The following ERCC6 variants were observed in gnomAD, a reference collection of about 807,000 sequenced individuals.
The protein encoded by ERCC6 is ERCC excision repair 6, chromatin remodeling factor.
A neutral mutation model predicts 158.7 loss-of-function variants in ERCC6; 116 were observed. The ratio of observed to expected loss-of-function variants is 0.73; its 90% confidence interval spans 0.63 to 0.85. The LOEUF (loss-of-function observed/expected upper bound fraction) is 0.85, where lower values mean the gene tolerates loss of function less well. ERCC6 is among the 40% of genes least tolerant of loss of function. The pLI, the probability that ERCC6 is intolerant of heterozygous loss-of-function variation, is 0.00. For synonymous variants in ERCC6, 678 were observed against 659.3 expected (o/e 1.03, Z -0.43); for missense variants, 1,698 against 1,799.4 (o/e 0.94, Z 1.02).
chr10:49,450,757 C>T (rs1200794429), downstream of ERCC6, among the ~76,000 whole-genome samples: 2 of 151,384 alleles, frequency 1.3e-5, no homozygotes, highest in South Asian at 2.1e-4. Context: ...CTTTTTGATG[C>T]TATTATGAAT....
intron 4 of ERCC6, 25 bp downstream of exon 4, chr10:49,528,392 G>A (rs751227370): frequency 1.9e-6 from 3 of 1,613,520 alleles, no homozygotes. Flanking sequence ...CAAGAACACA[G>A]AGAAACTGCT....
intron 4 of ERCC6, among the ~76,000 whole-genome samples, chr10:49,527,449 C>T (rs969239718): frequency 6.6e-6 from 1 of 152,166 alleles, no homozygotes; most frequent in East Asian, 1.9e-4. Flanking sequence ...CCAAGGTGAG[C>T]AGATCACCTG....
At chr10:49,499,543 T>A (rs1457611830) in intron 7 of ERCC6, among the ~76,000 whole-genome samples, 3 of 152,158 alleles carry the variant, frequency 2.0e-5, no homozygotes, top group African/African-American at 7.2e-5. Flanking sequence ...ATAGGGAGTG[T>A]CTGAGGTTTC....
At chr10:49,514,963 C>G (rs1836903389) in intron 5 of ERCC6, among the ~76,000 whole-genome samples, 2 of 152,136 alleles carry the variant, frequency 1.3e-5, no homozygotes, top group Admixed American at 1.3e-4. Flanking sequence ...GAGTGCAGAT[C>G]TCATGGAGTA....
At chr10:49,468,409 C>T (rs935296718) in intron 18 of ERCC6, among the ~76,000 whole-genome samples, 1 of 152,328 alleles carries the variant, frequency 6.6e-6, no homozygotes, top group African/African-American at 2.4e-5. Context: ...GGCAGGGCAA[C>T]TGGAGAGCTC....
chr10:49,463,449 T>C (rs1850618898), intron 18 of ERCC6, among the ~76,000 whole-genome samples: 1 of 152,024 alleles, frequency 6.6e-6, no homozygotes, highest in South Asian at 2.1e-4. Flanking sequence ...TAGCTCTCTG[T>C]TAATTAATAC....
intron 7 of ERCC6, among the ~76,000 whole-genome samples, chr10:49,496,437 G>C (rs1475557263): frequency 6.6e-6 from 1 of 152,172 alleles, no homozygotes; most frequent in Non-Finnish European, 1.5e-5. Flanking sequence ...TGCTAAAAGA[G>C]ATTATTTCAG....
chr10:49,472,367 T>G lies in ERCC6; in HGVS notation c.2924+9A>C. 1 of 1,612,862 alleles carries G rather than the reference T, an allele frequency of 6.2e-7. No individual in the cohort carries two copies. The highest frequency in any genetic ancestry group is 1.1e-5 in the South Asian group (1 of 91,050). ...CGCACAGCCAAGAGTGGCCACTGTG[T>G]GCACTGACCGGTGGTAGATCTTTTC... On this transcript the variant is annotated intron_variant, in intron 16 of 20. Transcript: ENST00000355832.
intron 5 of ERCC6, among the ~76,000 whole-genome samples, chr10:49,513,856 CT>C (rs542257130): frequency 7.6e-5 from 11 of 143,972 alleles, no homozygotes; most frequent in African/African-American, 8.2e-5. Context: ...CTCTCTCTCT[CT>C]TTTTTTTTTA....
the ERCC6 span, among the ~76,000 whole-genome samples, chr10:49,441,722 A>G: frequency 4.6e-5 from 7 of 152,338 alleles, no homozygotes; most frequent in African/African-American, 1.7e-4. Flanking sequence ...GGGTGGGCCC[A>G]ACGCTGTCCG....
chr10:49,512,520 A>C (rs1442424068), intron 5 of ERCC6, among the ~76,000 whole-genome samples: 1 of 152,218 alleles, frequency 6.6e-6, no homozygotes, highest in African/African-American at 2.4e-5. Context: ...GTGGGCCTTA[A>C]GCTTATTTTA....
rs1251402577 is a variant in ERCC6, at chr10:49,472,470, C to T, written c.2830G>A (p.Ala944Thr). The change falls in exon 16 of 21, where the codon GCC (alanine) becomes ACC (threonine). Residue 944 changes from alanine to threonine, a missense_variant and splice_region_variant. By Grantham distance (58) the Ala-to-Thr change is moderately conservative. Transcript: ENST00000355832. ...PDWNPSTDTQ[A>T]RERAWRIGQK... Reference sequence around the variant, plus strand: ...CCTATTCTCCATGCTCGCTCCCGGGCCTGCAACAGAGAGAGAGAGACCTCT... The same window carrying T: ...CCTATTCTCCATGCTCGCTCCCGGGTCTGCAACAGAGAGAGAGAGACCTCT... 2 of 1,613,798 alleles carry T rather than the reference C, an allele frequency of 1.2e-6. No individual in the cohort carries two copies. Among genetic ancestry groups the T allele is most frequent in the East Asian group, 2.2e-5 (1 of 44,884 alleles).
At chr10:49,472,332 A>C (rs756385124) in intron 16 of ERCC6, 44 bp downstream of exon 16, 1 of 1,541,210 alleles carries the variant, frequency 6.5e-7, no homozygotes, top group Non-Finnish European at 9.0e-7. Context: ...CCTGCTCAAG[A>C]CTCTGGGAAC....
downstream of ERCC6, among the ~76,000 whole-genome samples, chr10:49,450,036 C>T (rs1352925031): frequency 6.6e-6 from 1 of 152,116 alleles, no homozygotes; most frequent in East Asian, 1.9e-4. Flanking sequence ...CCATGACCAG[C>T]TAACTTGTTT....
chr10:49,482,822 C>T lies in ERCC6; in HGVS notation c.2034G>A (p.Met678Ile). 1 of 1,614,064 alleles carries T rather than the reference C, an allele frequency of 6.2e-7. No homozygotes were observed. Among genetic ancestry groups the T allele is most frequent in the Non-Finnish European group, 8.5e-7 (1 of 1,180,000 alleles). ...ACCACAGCTCTCGGAGGTTATTTTG[C>T]ATCGGTGAGCCAGACAGAATGATCC... ...PHRIILSGSP[M>I]QNNLRELWSL... The change falls in exon 10 of 21, where the codon ATG becomes ATA. Residue 678 changes from methionine (M) to isoleucine (I), a missense_variant. By Grantham distance (10) the Met-to-Ile change is conservative. Transcript: ENST00000355832.
Position 49,505,987 on chromosome 10 carries a change from C to T in ERCC6, c.1423G>A (p.Asp475Asn). Residue 475 changes from aspartate (D) to asparagine (N), a missense_variant, in exon 6 of 21, where the codon GAC becomes AAC. Physicochemically the swap from Asp to Asn is conservative, Grantham distance 23. Transcript: ENST00000355832. ...TCCAGCTTCAGACGTTTCTCTTTGTCCTGCAGTCTCAGTTTATTCCATCTC... is the reference window on the plus strand; with the variant it reads ...TCCAGCTTCAGACGTTTCTCTTTGTTCTGCAGTCTCAGTTTATTCCATCTC... ...LRRWNKLRLQDKEKRLKLEDD... is the reference protein window; with the variant it reads ...LRRWNKLRLQNKEKRLKLEDD... 6.2e-7 allele frequency: 1 copy of T among 1,613,342 alleles called. No individual in the cohort carries two copies. The highest frequency in any genetic ancestry group is 2.2e-5 in the East Asian group (1 of 44,856).
Position 49,533,205 on chromosome 10 carries a change from A to C in ERCC6, c.-14-227T>G, listed in dbSNP as rs1964145. ...CCAGAAAAAGAAATGCAGTATCATC[A>C]ACAAAGGACATTTAGGCAGCCAGCT... On this transcript the variant is annotated intron_variant, in intron 1 of 20. Coordinates refer to ENST00000355832, the MANE Select transcript of ERCC6 (RefSeq NM_000124.4). Among the ~76,000 whole-genome samples the C allele has an allele frequency of 0.065, 9,843 of 152,318 alleles. 433 individuals are homozygous for C. The highest frequency in any genetic ancestry group is 0.11 in the Middle Eastern group (32 of 294).
chr10:49,494,371 T>C (rs577268340), intron 7 of ERCC6, among the ~76,000 whole-genome samples: 1 of 152,376 alleles, frequency 6.6e-6, no homozygotes, highest in African/African-American at 2.4e-5. Flanking sequence ...TGGAATATCA[T>C]ATAACTATTA....
rs574011598 is a variant in ERCC6 at position 49,470,737 on chromosome 10, C to T, written c.3223G>A (p.Ala1075Thr). 39 of 1,614,144 alleles carry T rather than the reference C, an allele frequency of 2.4e-5. No homozygotes were observed. The South Asian group carries it at 2.7e-4, about 11-fold the overall frequency. Reference protein sequence around the residue: ...DATSSEEKSEAKGAEVNAVTS... With the variant: ...DATSSEEKSETKGAEVNAVTS... ...ACTGCATTTACTTCAGCTCCTTTAGCCTCAGATTTCTCTTCAGATGATGTG... is the reference window on the plus strand; with the variant it reads ...ACTGCATTTACTTCAGCTCCTTTAGTCTCAGATTTCTCTTCAGATGATGTG... The change falls in exon 18 of 21, where the codon GCT (alanine) becomes ACT (threonine). Residue 1075 changes from alanine (A) to threonine (T), a missense_variant. By Grantham distance (58) the Ala-to-Thr change is moderately conservative (BLOSUM62 0). Transcript: ENST00000355832.
Sources: gnomAD v4.1 joint callset for allele counts (sites outside exome capture counted in the v4.1 genomes callset) on GRCh38, gnomAD v4.1.1 for gene constraint, MANE v1.5 for transcripts, NCBI Gene and HGNC (gene_info 2026-07-23, HGNC 2026-07-21) for gene names.